The following ABR variants were observed in gnomAD, a reference collection of about 807,000 sequenced individuals.
ABR encodes active breakpoint cluster region-related protein.
Under a neutral mutation model 107.2 loss-of-function variants are expected in ABR, and 35 were observed. That is an observed-to-expected ratio of 0.33 (90% confidence interval 0.25 to 0.43). The LOEUF (loss-of-function observed/expected upper bound fraction) is 0.43. Among genes scored for constraint, ABR ranks in the 20% least tolerant of loss-of-function variants. ABR has a pLI of 1.00. For synonymous variants in ABR, 498 were observed against 462.0 expected (o/e 1.08, Z -1.00); for missense variants, 815 against 1,115.2 (o/e 0.73, Z 3.83).
chr17:1,227,782 C>T (rs1314466068), intron 1 of ABR, among the ~76,000 whole-genome samples: 1 of 152,112 alleles, frequency 6.6e-6, no homozygotes, highest in Non-Finnish European at 1.5e-5. Context: ...AGGGCTCCCA[C>T]GCCACCCCCA....
At chr17:1,194,950 C>G (rs1342751164) in intron 1 of ABR, among the ~76,000 whole-genome samples, 1 of 146,966 alleles carries the variant, frequency 6.8e-6, no homozygotes, top group African/African-American at 2.5e-5. Context: ...CCGCGCCCGA[C>G]CCTAATTTTT....
chr17:1,049,868 C>A, intron 16 of ABR, 182 bp downstream of exon 16: 1 of 790,202 alleles, frequency 1.3e-6, no homozygotes, highest in East Asian at 2.6e-5. Flanking sequence ...CACGCCTGGG[C>A]TTCCGGGGCC....
intron 1 of ABR, among the ~76,000 whole-genome samples, chr17:1,171,027 C>T (rs949514748): frequency 3.3e-5 from 5 of 152,272 alleles, no homozygotes; most frequent in African/African-American, 9.6e-5. Flanking sequence ...CACACTGCCA[C>T]GCCGACTCTA....
chr17:1,100,692 G>T lies in ABR; in HGVS notation c.290C>A (p.Ser97Ter). ...KGLEMRKLVL[S>*]GFLASEEIYI... ...GATCTCTTCGCTGGCCAAGAACCCC[G>T]AGAGAACCAGCTTCCTCATCTCCAG... The change falls in exon 3 of 23, where the codon TCG becomes TAG. Residue 97 changes from serine (S) to a stop codon, truncating the protein, a stop_gained. Coordinates refer to ENST00000302538, the MANE Select transcript of ABR (RefSeq NM_021962.5). LOFTEE classifies it high-confidence loss of function. 6.2e-7 allele frequency: 1 copy of T among 1,613,480 alleles called. No individual in the cohort carries two copies. The highest frequency in any genetic ancestry group is 8.5e-7 in the Non-Finnish European group (1 of 1,179,830).
At chr17:1,086,726 C>T (rs930281636) in intron 4 of ABR, among the ~76,000 whole-genome samples, 4 of 152,128 alleles carry the variant, frequency 2.6e-5, no homozygotes, top group Non-Finnish European at 5.9e-5. Context: ...GTCTTGAACT[C>T]CTGACCTCAG....
chr17:1,078,915 G>C lies in ABR; in HGVS notation c.700+415C>G, dbSNP rs531680949. 2 of 1,532,836 alleles carry C rather than the reference G, an allele frequency of 1.3e-6. No homozygotes were observed. The highest frequency in any genetic ancestry group is 4.9e-5 in the East Asian group (2 of 40,856). The allele number at this position is 1,532,836 out of a possible 1,614,324, so 95.0% of individuals were successfully genotyped here. ...CAGCCATCGCTCCAGGCTCCCCGGC[G>C]CCCACCAGCAGCCCGGCCACTCAGC... On this transcript the variant is annotated intron_variant, in intron 6 of 22. Transcript: ENST00000302538. This position sits in a 1 kb window ranked among gnomAD's most constrained non-coding sequence, Gnocchi z 7.5.
At chr17:1,175,441 A>T (rs1157278425) in intron 1 of ABR, among the ~76,000 whole-genome samples, 1 of 152,200 alleles carries the variant, frequency 6.6e-6, no homozygotes, top group African/African-American at 2.4e-5. Flanking sequence ...AGAGAGCATC[A>T]TAGCAACCCC....
In ABR at chr17:1,022,124, A is replaced by AAAAAAAAAAAAAAAAC. The variant is rs1567591966; in HGVS notation, c.1792-8961_1792-8960insGTTTTTTTTTTTTTTT. Reference sequence around the variant, plus strand: ...TCTGTCTCAAAAAAAAAAAAAAAAAAACAGAAAATGACTCCAGAAGGACCT... The same window carrying AAAAAAAAAAAAAAAAC: ...TCTGTCTCAAAAAAAAAAAAAAAAAAAAAAAAAAAAAAAAACACAGAAAATGACTCCAGAAGGACCT... On this transcript the variant is annotated intron_variant, in intron 16 of 22. Transcript: ENST00000302538. Among the ~76,000 whole-genome samples the AAAAAAAAAAAAAAAAC allele has an allele frequency of 6.6e-5, 10 of 150,960 alleles. No individual in the cohort carries two copies. In the East Asian group the frequency reaches 2.0e-3, roughly 30 times the overall value.
At chr17:1,180,443 C>G (rs2042096769), upstream of ABR, among the ~76,000 whole-genome samples, 1 of 152,194 alleles carries the variant, frequency 6.6e-6, no homozygotes, top group South Asian at 2.1e-4. Flanking sequence ...CGAACCTTCC[C>G]CCGCTCGTCC....
chr17:1,137,847 G>A (rs115466002), intron 1 of ABR, among the ~76,000 whole-genome samples: 1,538 of 152,286 alleles, frequency 0.01, 31 homozygotes, highest in African/African-American at 0.035. Context: ...CACCGCAGGA[G>A]GCTATTTACT....
chr17:1,050,742 C>T lies in ABR; in HGVS notation c.1562-108G>A. Reference sequence around the variant, plus strand: ...CATCGCATCTGTCCTTTCCAACGTCCCCACGGATGGCATCTTGGCTCTCTC... The same window carrying T: ...CATCGCATCTGTCCTTTCCAACGTCTCCACGGATGGCATCTTGGCTCTCTC... On this transcript the variant is annotated intron_variant, in intron 14 of 22. Coordinates refer to ENST00000302538, the MANE Select transcript of ABR (RefSeq NM_021962.5). The surrounding 1 kb of genome is among the most constrained non-coding windows in gnomAD (Gnocchi z 4.6). The T allele has an allele frequency of 1.2e-6, 1 of 866,792 alleles. No homozygotes were observed. Among genetic ancestry groups the T allele is most frequent in the Non-Finnish European group, 1.9e-6 (1 of 525,964 alleles). 53.7% of individuals were successfully genotyped at this position (866,792 alleles called of 1,614,324 possible). A position where few individuals can be genotyped will look rare whatever the true frequency, so the allele number is the denominator to read the frequency against.
At position 1,154,860 on chromosome 17, in the gene ABR, C is replaced by T. The variant is rs896482019; in HGVS notation, c.61+24807G>A. 6 of 152,484 alleles carry T rather than the reference C, an allele frequency of 3.9e-5. No individual in the cohort carries two copies. The highest frequency in any genetic ancestry group is 1.4e-4 in the African/African-American group (6 of 41,434). The allele number at this position is 152,484 out of a possible 1,614,324, so 9.4% of individuals were successfully genotyped here. A position where few individuals can be genotyped will look rare whatever the true frequency, so the allele number is the denominator to read the frequency against. ...CTTCCCCATTCCAGCAGCCACTTCCCACCCTGCATTTGTTCCCTCCTACCT... is the reference window on the plus strand; with the variant it reads ...CTTCCCCATTCCAGCAGCCACTTCCTACCCTGCATTTGTTCCCTCCTACCT... On this transcript the variant is annotated intron_variant, in intron 1 of 22. Transcript: ENST00000302538. This position sits in a 1 kb window ranked among gnomAD's most constrained non-coding sequence, Gnocchi z 4.0.
chr17:1,191,036 A>G (rs1490746868), upstream of ABR, among the ~76,000 whole-genome samples: 1 of 152,240 alleles, frequency 6.6e-6, no homozygotes, highest in African/African-American at 2.4e-5. Flanking sequence ...GCGCTGGGCC[A>G]TGGTAACCAC....
At chr17:1,176,084 G>A (rs569777908) in intron 1 of ABR, among the ~76,000 whole-genome samples, 93 of 151,424 alleles carry the variant, frequency 6.1e-4, no homozygotes, top group African/African-American at 2.1e-3. Context: ...GTGAAAGAGC[G>A]AGACTCCGTG....
chr17:1,024,244 G>A (rs1051640883), intron 16 of ABR, among the ~76,000 whole-genome samples: 7 of 152,142 alleles, frequency 4.6e-5, no homozygotes, highest in East Asian at 1.9e-4. Context: ...GAGAAGAACC[G>A]TCTTGCCTGT....
chr17:1,015,241 A>AC (rs2071048959), intron 16 of ABR, among the ~76,000 whole-genome samples: 1 of 151,482 alleles, frequency 6.6e-6, no homozygotes, highest in Non-Finnish European at 1.5e-5. Flanking sequence ...ACATGACAAA[A>AC]CCCTGTCTCT....
At chr17:1,075,080 A>G (rs1256264571) in intron 6 of ABR, among the ~76,000 whole-genome samples, 1 of 152,262 alleles carries the variant, frequency 6.6e-6, no homozygotes, top group African/African-American at 2.4e-5. Flanking sequence ...AGGCCAGCCC[A>G]GGCCCCCAAG....
intron 10 of ABR, among the ~76,000 whole-genome samples, chr17:1,062,984 C>T (rs2034216500): frequency 7.0e-6 from 1 of 143,670 alleles, no homozygotes; most frequent in African/African-American, 2.5e-5. Flanking sequence ...GAGGGCTATG[C>T]ATGTTCCTCT....
At chr17:1,031,916 C>CTCCGCA (rs2072835966) in intron 16 of ABR, 1 of 1,065,166 alleles carries the variant, frequency 9.4e-7, no homozygotes, top group Non-Finnish European at 1.2e-6. Flanking sequence ...CTCCTCCCTC[C>CTCCGCA]TCCCTCCTCC....
Sources: gnomAD v4.1 joint callset for allele counts (sites outside exome capture counted in the v4.1 genomes callset) on GRCh38, gnomAD v4.1.1 for gene constraint, Gnocchi (gnomAD v3.1) non-coding constraint, MANE v1.5 for transcripts, NCBI Gene and HGNC (gene_info 2026-07-23, HGNC 2026-07-21) for gene names.